CELF2: variants seen among roughly 807,000 people sequenced by gnomAD.
The protein encoded by CELF2 is CUG triplet repeat RNA-binding protein 2.
Under a neutral mutation model 62.6 loss-of-function variants are expected in CELF2, and 8 were observed. The ratio of observed to expected loss-of-function variants is 0.13; its 90% CI spans 0.07 to 0.23. The LOEUF is 0.23. Ranked by LOEUF, CELF2 falls within the 10% of genes least tolerant of loss-of-function variation. The pLI, the probability that CELF2 is intolerant of heterozygous loss-of-function variation, is 1.00. For missense variants in CELF2, 333 were observed against 671.0 expected (o/e 0.50, Z 5.56); for synonymous variants, 258 against 250.0 (o/e 1.03, Z -0.30).
the CELF2 span, among the ~76,000 whole-genome samples, chr10:10,548,675 G>A: frequency 1.3e-4 from 20 of 151,862 alleles, no homozygotes; most frequent in African/African-American, 4.1e-4. Context: ...ATGCTTCAAG[G>A]TTTTCTTAAT....
chr10:11,025,522 C>G (rs1593380225), intron 1 of CELF2, among the ~76,000 whole-genome samples: 1 of 152,106 alleles, frequency 6.6e-6, no homozygotes, highest in Non-Finnish European at 1.5e-5. Context: ...CTTCCCCTTC[C>G]CTTTCTGCCG....
intron 2 of CELF2, among the ~76,000 whole-genome samples, chr10:10,976,082 TG>T (rs1301369404): frequency 1.3e-5 from 2 of 152,222 alleles, no homozygotes; most frequent in African/African-American, 4.8e-5. Flanking sequence ...GTCATGGTGC[TG>T]GTGGGAGTGT....
chr10:10,618,642 G>A, the CELF2 span, among the ~76,000 whole-genome samples: 109 of 152,196 alleles, frequency 7.2e-4, 1 homozygote, highest in Admixed American at 1.5e-3. Flanking sequence ...CAGGAACTGC[G>A]CCTTGTCTGT....
intron 9 of CELF2, among the ~76,000 whole-genome samples, chr10:11,298,741 A>T (rs1253886771): frequency 1.5e-5 from 2 of 132,786 alleles, no homozygotes; most frequent in Admixed American, 7.3e-5. Context: ...GTGCTTTTTT[A>T]AAAAAACGAT....
the CELF2 span, among the ~76,000 whole-genome samples, chr10:10,706,857 A>C: frequency 6.2e-4 from 95 of 152,310 alleles, no homozygotes; most frequent in African/African-American, 2.2e-3. Flanking sequence ...CTAGATTTAC[A>C]AGCCATGCAA....
the CELF2 span, among the ~76,000 whole-genome samples, chr10:10,595,814 T>A: frequency 2.6e-5 from 4 of 152,120 alleles, no homozygotes; most frequent in African/African-American, 9.7e-5. Flanking sequence ...GCAAATTGCT[T>A]GAGCCCAGGG....
At chr10:11,063,408 G>A (rs1046326632) in intron 1 of CELF2, among the ~76,000 whole-genome samples, 2 of 152,148 alleles carry the variant, frequency 1.3e-5, no homozygotes, top group Admixed American at 1.3e-4. Flanking sequence ...CTCCACATGG[G>A]AACATATACA....
At chr10:11,001,174 T>C (rs2054483435), upstream of CELF2, among the ~76,000 whole-genome samples, 1 of 152,256 alleles carries the variant, frequency 6.6e-6, no homozygotes, top group African/African-American at 2.4e-5. Context: ...ATGTATTCTT[T>C]CCATCTTCCA....
chr10:10,611,708 A>C, the CELF2 span, among the ~76,000 whole-genome samples: 1 of 152,158 alleles, frequency 6.6e-6, no homozygotes, highest in East Asian at 1.9e-4. Flanking sequence ...GAGGCCTGTT[A>C]ATTATGTACA....
At chr10:10,708,278 A>ATGC in the CELF2 span, among the ~76,000 whole-genome samples, 3 of 152,212 alleles carry the variant, frequency 2.0e-5, no homozygotes, top group Non-Finnish European at 2.9e-5. Flanking sequence ...ACACTCTGGA[A>ATGC]TGCTACCCTC....
At chr10:10,754,626 G>A in the CELF2 span, among the ~76,000 whole-genome samples, 306 of 152,312 alleles carry the variant, frequency 2.0e-3, no homozygotes, top group Non-Finnish European at 3.4e-3. Context: ...GTTGTTCACA[G>A]TTTAAGTCTA....
chr10:11,222,637 T>C (rs907319858), intron 3 of CELF2, among the ~76,000 whole-genome samples: 1 of 152,254 alleles, frequency 6.6e-6, no homozygotes, highest in Non-Finnish European at 1.5e-5. Context: ...GTAGCAGCCA[T>C]GCCCTTTATA....
At chr10:10,609,680 T>C in the CELF2 span, among the ~76,000 whole-genome samples, 2 of 152,210 alleles carry the variant, frequency 1.3e-5, no homozygotes, top group African/African-American at 4.8e-5. Context: ...ATTGGCTTCC[T>C]AAGTCTCTTT....
the CELF2 span, among the ~76,000 whole-genome samples, chr10:10,754,881 G>A: frequency 1.3e-5 from 2 of 152,220 alleles, no homozygotes; most frequent in Non-Finnish European, 2.9e-5. Context: ...TTCCTCAGCA[G>A]CAAGCCATCG....
At chr10:10,776,766 T>A in the CELF2 span, 1 of 153,600 alleles carries the variant, frequency 6.5e-6, no homozygotes, top group Non-Finnish European at 1.5e-5. Flanking sequence ...CCTCAGCTTG[T>A]GGAAGCCCAG....
chr10:10,660,786 A>G, the CELF2 span, among the ~76,000 whole-genome samples: 1 of 152,230 alleles, frequency 6.6e-6, no homozygotes, highest in Non-Finnish European at 1.5e-5. Context: ...TATGACATTC[A>G]TTTTTTAAAG....
At chr10:10,488,967 T>A in the CELF2 span, among the ~76,000 whole-genome samples, 3 of 151,876 alleles carry the variant, frequency 2.0e-5, no homozygotes, top group African/African-American at 7.2e-5. Context: ...AAATTTAGAG[T>A]AGGGAATGGT....
At chr10:10,571,588 T>C in the CELF2 span, among the ~76,000 whole-genome samples, 3 of 151,946 alleles carry the variant, frequency 2.0e-5, no homozygotes, top group Non-Finnish European at 4.4e-5. Context: ...GTAAATTGAG[T>C]TATAAAGAAA....
chr10:10,726,644 A>C, the CELF2 span, among the ~76,000 whole-genome samples: 1 of 152,092 alleles, frequency 6.6e-6, no homozygotes, highest in African/African-American at 2.4e-5. Context: ...ATGAACTGGG[A>C]CTCAGATTTT....
Sources: gnomAD v4.1 joint callset for allele counts (sites outside exome capture counted in the v4.1 genomes callset) on GRCh38, gnomAD v4.1.1 for gene constraint, MANE v1.5 for transcripts, NCBI Gene and HGNC (gene_info 2026-07-23, HGNC 2026-07-21) for gene names.